The following M1AP variants were observed in gnomAD, a reference collection of about 807,000 sequenced individuals.
The protein encoded by M1AP is meiosis 1 arrest protein.
M1AP carries 39 observed loss-of-function variants against 51.2 expected under a neutral mutation model. That is an observed-to-expected ratio of 0.76 (90% confidence interval 0.59 to 1.00). The LOEUF is 1.00. Among genes scored for constraint, M1AP ranks in the 50% least tolerant of loss-of-function variants. The pLI is 0.00. For synonymous variants in M1AP, 251 were observed against 249.2 expected, an observed-to-expected ratio of 1.01 and a Z score of -0.07; for missense variants, 545 against 641.2, an observed-to-expected ratio of 0.85 and a Z score of 1.62.
At chr2:74,595,561 A>G (rs1480009936) in intron 4 of M1AP, among the ~76,000 whole-genome samples, 1 of 152,150 alleles carries the variant, frequency 6.6e-6, no homozygotes, top group Non-Finnish European at 1.5e-5. Context: ...CATGTTGCCC[A>G]GGCTGCTCTT....
At chr2:74,645,330 G>A (rs1294119821) in intron 1 of M1AP, among the ~76,000 whole-genome samples, 3 of 152,164 alleles carry the variant, frequency 2.0e-5, no homozygotes, top group Non-Finnish European at 2.9e-5. Flanking sequence ...GCCAGGGTCC[G>A]CGGCTTCATT....
chr2:74,571,133 G>C (rs1188983564), intron 7 of M1AP, among the ~76,000 whole-genome samples: 1 of 152,176 alleles, frequency 6.6e-6, no homozygotes, highest in African/African-American at 2.4e-5. Flanking sequence ...AACCAGAAGA[G>C]AGAGAGATTG....
At chr2:74,599,808 A>G (rs891557967) in intron 4 of M1AP, among the ~76,000 whole-genome samples, 6 of 151,846 alleles carry the variant, frequency 4.0e-5, no homozygotes, top group Non-Finnish European at 5.9e-5. Flanking sequence ...CAGCTTGTCA[A>G]GTTCATCTAA....
At chr2:74,561,250 GAGGAGGAGGAGA>G (rs1677986276) in intron 8 of M1AP, among the ~76,000 whole-genome samples, 2 of 96,524 alleles carry the variant, frequency 2.1e-5, no homozygotes, top group South Asian at 3.2e-4. Context: ...GGAGGAGGAG[GAGGAGGAGGAGA>G]AGAAGAAAAA....
At chr2:74,607,512 C>T (rs781469846) in intron 3 of M1AP, among the ~76,000 whole-genome samples, 3 of 152,064 alleles carry the variant, frequency 2.0e-5, no homozygotes, top group African/African-American at 4.8e-5. Flanking sequence ...CTTGCTCTGT[C>T]GCCCAGGCTG....
At chr2:74,643,012 CCAG>C (rs1202410508) in intron 1 of M1AP, among the ~76,000 whole-genome samples, 1 of 152,000 alleles carries the variant, frequency 6.6e-6, no homozygotes, top group Non-Finnish European at 1.5e-5. Context: ...ACCACTGTGC[CCAG>C]CTATAATTAA....
At chr2:74,640,708 G>A (rs1683250098) in intron 1 of M1AP, among the ~76,000 whole-genome samples, 2 of 152,046 alleles carry the variant, frequency 1.3e-5, no homozygotes, top group African/African-American at 4.8e-5. Flanking sequence ...CGCCCGCCTT[G>A]GCCTCCCAAA....
At chr2:74,577,775 G>C (rs1679164257) in intron 5 of M1AP, among the ~76,000 whole-genome samples, 1 of 152,178 alleles carries the variant, frequency 6.6e-6, no homozygotes, top group Non-Finnish European at 1.5e-5. Flanking sequence ...TATTTCCTCT[G>C]TGCCTGACTT....
At chr2:74,631,007 C>T (rs756281465) in intron 2 of M1AP, among the ~76,000 whole-genome samples, 6 of 152,056 alleles carry the variant, frequency 3.9e-5, no homozygotes, top group African/African-American at 1.5e-4. Context: ...TGCAATTGAT[C>T]GTAATTCTCT....
intron 6 of M1AP, 140 bp downstream of exon 6, chr2:74,576,316 G>T: frequency 1.1e-6 from 1 of 879,666 alleles, no homozygotes; most frequent in Non-Finnish European, 1.7e-6. Context: ...GCTTCCTCAT[G>T]CCATAGCTGT....
intron 2 of M1AP, chr2:74,620,976 C>T (rs1484120908): frequency 6.3e-6 from 1 of 157,606 alleles, no homozygotes; most frequent in African/African-American, 2.4e-5. Context: ...AATAGAGAAA[C>T]ACACCTTAAA....
intron 4 of M1AP, among the ~76,000 whole-genome samples, chr2:74,597,990 C>T (rs1466451530): frequency 6.6e-6 from 1 of 152,198 alleles, no homozygotes; most frequent in Non-Finnish European, 1.5e-5. Context: ...AGATGTAGAA[C>T]ATCATCAATA....
At chr2:74,634,459 A>G (rs1297773164) in intron 2 of M1AP, among the ~76,000 whole-genome samples, 1 of 152,204 alleles carries the variant, frequency 6.6e-6, no homozygotes, top group Non-Finnish European at 1.5e-5. Flanking sequence ...AAAGGGTAGT[A>G]CAAAATTCTT....
chr2:74,593,677 G>A (rs1025061111), intron 4 of M1AP, among the ~76,000 whole-genome samples: 10 of 152,126 alleles, frequency 6.6e-5, no homozygotes, highest in Non-Finnish European at 1.2e-4. Context: ...CACCATGCCT[G>A]GCCTGAACAA....
intron 1 of M1AP, among the ~76,000 whole-genome samples, chr2:74,643,090 G>A (rs1207812488): frequency 6.6e-6 from 1 of 151,790 alleles, no homozygotes; most frequent in Non-Finnish European, 1.5e-5. Flanking sequence ...TTTATCTATA[G>A]AACTTTTTGG....
chr2:74,629,651 CT>C (rs997687957), intron 2 of M1AP, among the ~76,000 whole-genome samples: 1 of 151,942 alleles, frequency 6.6e-6, no homozygotes, highest in Non-Finnish European at 1.5e-5. Flanking sequence ...ACTCGGGAGA[CT>C]GAGGCAGGAG....
rs1458803899 is a variant in M1AP, at chr2:74,559,696, A to G, written c.1434+2T>C. 1 of 718,444 alleles carries G rather than the reference A, an allele frequency of 1.4e-6. No homozygotes were observed. The allele number at this position is 718,444 out of a possible 1,614,324, so 44.5% of individuals were successfully genotyped here. A position where few individuals can be genotyped will look rare whatever the true frequency, so the allele number is the denominator to read the frequency against. On this transcript the variant is annotated splice_donor_variant, in intron 10 of 10. Coordinates refer to ENST00000421985, the MANE Select transcript of M1AP (RefSeq NM_001321739.2). LOFTEE classifies it high-confidence loss of function. ...CTCATCTGTAAATGAGCAAACACTT[A>G]CCTTGCAGGGATGCTGTGAGGATTA... is the stretch of plus-strand genomic sequence containing the variant.
intron 2 of M1AP, among the ~76,000 whole-genome samples, chr2:74,636,249 T>G (rs1682987036): frequency 1.3e-5 from 2 of 152,118 alleles, no homozygotes; most frequent in Middle Eastern, 3.2e-3. Context: ...CGAAATCTGT[T>G]TCATCTGATA....
chr2:74,588,075 G>C (rs1174130245), intron 4 of M1AP, among the ~76,000 whole-genome samples: 2 of 152,152 alleles, frequency 1.3e-5, no homozygotes, highest in Non-Finnish European at 2.9e-5. Context: ...CCCAGGAAAA[G>C]GTGCTCTTGC....
Sources: allele counts gnomAD v4.1 joint callset (sites outside exome capture counted in the v4.1 genomes callset), GRCh38; gene constraint gnomAD v4.1.1; transcripts MANE v1.5; gene names NCBI Gene and HGNC (gene_info 2026-07-23, HGNC 2026-07-21).